The following MET variants were observed in gnomAD, a reference collection of about 807,000 sequenced individuals.
MET encodes hepatocyte growth factor receptor.
In MET, 48 loss-of-function variants were observed where a neutral mutation model predicts 133.1. The observed-to-expected ratio is 0.36, with a 90% CI of 0.29 to 0.46. The LOEUF is 0.46. Ranked by LOEUF, MET falls within the 20% of genes least tolerant of loss-of-function variation. The probability of loss-of-function intolerance (pLI) is 1.00; values close to 1 mark genes in which losing one functional copy is unlikely to be tolerated. For missense variants in MET, 1,442 were observed against 1,695.9 expected (o/e 0.85, Z 2.63); for synonymous variants, 628 against 616.5 (o/e 1.02, Z -0.28).
chr7:116,716,481 GA>G (rs569934255), intron 2 of MET, among the ~76,000 whole-genome samples: 2 of 123,446 alleles, frequency 1.6e-5, no homozygotes, highest in South Asian at 2.6e-4. Context: ...AAGAAAGAAA[GA>G]AAGAAAGAAA....
chr7:116,705,705 G>T (rs1441530431), intron 2 of MET, among the ~76,000 whole-genome samples: 1 of 152,068 alleles, frequency 6.6e-6, no homozygotes, highest in Non-Finnish European at 1.5e-5. Context: ...TTTAAAAAAT[G>T]TAAGTAAAAG....
chr7:116,737,594 G>A (rs1196302670), intron 3 of MET, among the ~76,000 whole-genome samples: 1 of 152,046 alleles, frequency 6.6e-6, no homozygotes, highest in African/African-American at 2.4e-5. Flanking sequence ...TTTTTTTAAG[G>A]AAAATAATAG....
Position 116,749,953 on chromosome 7 carries a change from C to T in MET, c.1702-5402C>T, listed in dbSNP as rs1191452162. Among the ~76,000 whole-genome samples the T allele has an allele frequency of 2.0e-5, 3 of 151,554 alleles. No homozygotes were observed. In the East Asian group the frequency reaches 5.8e-4, roughly 29 times the overall value. On this transcript the variant is annotated intron_variant, in intron 5 of 20. Coordinates refer to ENST00000397752, the MANE Select transcript of MET (RefSeq NM_000245.4). ...TACAAACCACAAGCAAATGGAGAAA[C>T]ATTCCATGCTCATGGATAGGAAGAC...
At chr7:116,785,049 G>A (rs1381118238) in intron 19 of MET, among the ~76,000 whole-genome samples, 1 of 152,230 alleles carries the variant, frequency 6.6e-6, no homozygotes, top group Non-Finnish European at 1.5e-5. Context: ...AACCCAGCAA[G>A]GCAGTTATTA....
rs184508593 is a variant in MET at position 116,789,996 on chromosome 7, T to C, written c.3799-5659T>C. On this transcript the variant is annotated intron_variant, in intron 19 of 20. Transcript: ENST00000397752. ...ATAGGCCCCAGTGTGTGTTGTTCCC[T>C]TCCCTGTGTTCATGTGCTCTCATTG... is the stretch of plus-strand genomic sequence containing the variant. Among the ~76,000 whole-genome samples, 322 of 152,264 alleles carry C rather than the reference T, an allele frequency of 2.1e-3. 2 individuals are homozygous for C. Among genetic ancestry groups the C allele is most frequent in the African/African-American group, 7.4e-3 (307 of 41,568 alleles).
chr7:116,756,232 T>A (rs1233881489), intron 6 of MET, among the ~76,000 whole-genome samples: 1 of 152,242 alleles, frequency 6.6e-6, no homozygotes, highest in East Asian at 1.9e-4. Flanking sequence ...ATTCTACATG[T>A]ACCCTTCTAC....
rs752593587 is a variant in MET, at chr7:116,774,954, C to A, written c.3102C>A (p.Ile1034=). The part of the protein sequence containing the change: ...VQYPLTDMSP[I]LTSGDSDISS... Reference sequence around the variant, plus strand: ...ATCCTCTGACAGACATGTCCCCCATCCTAACTAGTGGGGACTCTGATATAT... The same window carrying A: ...ATCCTCTGACAGACATGTCCCCCATACTAACTAGTGGGGACTCTGATATAT... The change falls in exon 15 of 21, where the codon ATC becomes ATA. Residue 1034 remains isoleucine, a synonymous_variant. Transcript: ENST00000397752. 1.2e-6 allele frequency: 2 copies of A among 1,614,134 alleles called. No homozygotes were observed. The highest frequency in any genetic ancestry group is 1.7e-6 in the Non-Finnish European group (2 of 1,179,966).
At chr7:116,795,512 T>C in intron 19 of MET, 143 bp from the exon 20 acceptor site, 2 of 1,006,164 alleles carry the variant, frequency 2.0e-6, no homozygotes, top group Non-Finnish European at 3.1e-6. Flanking sequence ...AGCTTAATAA[T>C]TGCCTTTAAG....
chr7:116,720,276 GCTCT>G (rs1376082003), intron 2 of MET, among the ~76,000 whole-genome samples: 1 of 137,184 alleles, frequency 7.3e-6, no homozygotes, highest in Middle Eastern at 3.3e-3. Flanking sequence ...TCATGATTTG[GCTCT>G]CTGTTTGTCT....
At position 116,696,768 on chromosome 7, in the gene MET, G is replaced by A. The variant is rs73208159; in HGVS notation, c.-14-2303G>A. ...TGCAAAGTTTATTTCTAGTCGGAGT[G>A]GAGTCTCTGTTACTCTGCCAATCAA... On this transcript the variant is annotated intron_variant, in intron 1 of 20. Transcript: ENST00000397752. Among the ~76,000 whole-genome samples the A allele has an allele frequency of 9.4e-3, 1,428 of 152,290 alleles. 10 individuals carry two copies. Among genetic ancestry groups the A allele is most frequent in the Middle Eastern group, 0.017 (5 of 294 alleles).
At position 116,714,543 on chromosome 7, in the gene MET, A is replaced by G. The variant is rs1792118097; in HGVS notation, c.1200+14259A>G. Among the ~76,000 whole-genome samples the G allele has an allele frequency of 2.6e-5, 4 of 152,262 alleles. No individual in the cohort carries two copies. The South Asian group carries it at 8.3e-4, about 32-fold the overall frequency. On this transcript the variant is annotated intron_variant, in intron 2 of 20. Coordinates refer to ENST00000397752, the MANE Select transcript of MET (RefSeq NM_000245.4). Reference sequence around the variant, plus strand: ...GCCAGTACAGTGTTTTCAGAATGTAACTATCAACTGAGTTCTTATACTTTG... The same window carrying G: ...GCCAGTACAGTGTTTTCAGAATGTAGCTATCAACTGAGTTCTTATACTTTG...
At chr7:116,721,791 G>A (rs1175743942) in intron 2 of MET, among the ~76,000 whole-genome samples, 6 of 152,138 alleles carry the variant, frequency 3.9e-5, no homozygotes, top group Admixed American at 3.3e-4. Flanking sequence ...GTAGTTGAGC[G>A]GTTTTGAGTG....
chr7:116,699,800 C>T lies in MET; in HGVS notation c.716C>T (p.Pro239Leu), dbSNP rs45551737. Residue 239 changes from proline (P) to leucine (L), a missense_variant, in exon 2 of 21, where the codon CCT (proline) becomes CTT (leucine). Coordinates refer to ENST00000397752, the MANE Select transcript of MET (RefSeq NM_000245.4). ...LTDQSYIDVL[P>L]EFRDSYPIKY... ...GACCAGTCCTACATTGATGTTTTAC[C>T]TGAGTTCAGAGATTCTTACCCCATT... 10 of 1,613,938 alleles carry T rather than the reference C, an allele frequency of 6.2e-6. No homozygotes were observed. The highest frequency in any genetic ancestry group is 1.7e-5 in the Admixed American group (1 of 59,988).
chr7:116,708,792 C>A (rs896788906), intron 2 of MET, among the ~76,000 whole-genome samples: 2 of 152,084 alleles, frequency 1.3e-5, no homozygotes, highest in African/African-American at 4.8e-5. Context: ...ACCCTTGGGA[C>A]CCCGTTTGTC....
At chr7:116,681,560 A>C (rs1796359452) in intron 1 of MET, among the ~76,000 whole-genome samples, 1 of 152,220 alleles carries the variant, frequency 6.6e-6, no homozygotes, top group South Asian at 2.1e-4. Flanking sequence ...GGATGTAGGA[A>C]TTGTATTTTT....
chr7:116,735,791 T>TA, intron 3 of MET, among the ~76,000 whole-genome samples: 1 of 151,638 alleles, frequency 6.6e-6, no homozygotes, highest in South Asian at 2.1e-4. Flanking sequence ...TTTTTTTTTT[T>TA]TTTTTCACAG....
intron 19 of MET, among the ~76,000 whole-genome samples, chr7:116,790,342 T>C (rs1358595037): frequency 6.6e-6 from 1 of 152,220 alleles, no homozygotes; most frequent in Non-Finnish European, 1.5e-5. Context: ...AGATACCTCA[T>C]ATAAGTGGAA....
At chr7:116,716,511 AAGAAAGAAAG>A (rs1792238612) in intron 2 of MET, among the ~76,000 whole-genome samples, 2 of 151,814 alleles carry the variant, frequency 1.3e-5, no homozygotes, top group African/African-American at 2.4e-5. Context: ...GAAAGAAAGA[AAGAAAGAAAG>A]AAAGAAAGAA....
At chr7:116,762,027 G>A (rs575824930) in intron 10 of MET, among the ~76,000 whole-genome samples, 18 of 152,098 alleles carry the variant, frequency 1.2e-4, no homozygotes, top group South Asian at 1.0e-3. Flanking sequence ...AAATGCAACC[G>A]TTAACCTTAG....
Sources: allele counts gnomAD v4.1 joint callset (sites outside exome capture counted in the v4.1 genomes callset), GRCh38; gene constraint gnomAD v4.1.1; transcripts MANE v1.5; gene names NCBI Gene and HGNC (gene_info 2026-07-23, HGNC 2026-07-21).